The following CIBAR1 variants were observed in gnomAD, a reference collection of about 807,000 sequenced individuals.
The protein encoded by CIBAR1 is CBY1-interacting BAR domain-containing protein 1.
Under a neutral mutation model 44.0 loss-of-function variants are expected in CIBAR1, and 25 were observed. The observed-to-expected ratio is 0.57, with a 90% CI of 0.41 to 0.79. The LOEUF is 0.79. Among genes scored for constraint, CIBAR1 ranks in the 30% least tolerant of loss-of-function variants. The pLI, the probability that CIBAR1 is intolerant of heterozygous loss-of-function variation, is 0.00. For synonymous variants in CIBAR1, 115 were observed against 119.0 expected, an observed-to-expected ratio of 0.97 and a Z score of 0.22; for missense variants, 278 against 344.8, an observed-to-expected ratio of 0.81 and a Z score of 1.53.
chr8:93,726,686 T>C, intron 8 of CIBAR1, 173 bp downstream of exon 8: 1 of 688,848 alleles, frequency 1.5e-6, no homozygotes, highest in Admixed American at 2.9e-5. Flanking sequence ...CTATTATTTC[T>C]TAATTATCTT....
At chr8:93,701,776 A>T (rs1014305920) in intron 2 of CIBAR1, 1 of 308,762 alleles carries the variant, frequency 3.2e-6, no homozygotes, top group Non-Finnish European at 6.0e-6. Flanking sequence ...AGCATAACTT[A>T]ATGTCTTGTG....
intron 7 of CIBAR1, among the ~76,000 whole-genome samples, chr8:93,725,212 G>A (rs1452852219): frequency 2.0e-5 from 3 of 152,094 alleles, no homozygotes; most frequent in African/African-American, 7.2e-5. Context: ...CAAACTCCTA[G>A]GCTCAAGTGA....
At chr8:93,725,443 GA>G (rs1009955229) in intron 7 of CIBAR1, among the ~76,000 whole-genome samples, 1 of 151,896 alleles carries the variant, frequency 6.6e-6, no homozygotes, top group Admixed American at 6.6e-5. Flanking sequence ...GGATGAAGAG[GA>G]AAAAAAGACC....
In CIBAR1 at chr8:93,710,863, A is replaced by G. The variant is rs1192002028; in HGVS notation, c.543+988A>G. On this transcript the variant is annotated intron_variant, in intron 6 of 8. Coordinates refer to ENST00000518322, the MANE Select transcript of CIBAR1 (RefSeq NM_145269.5). ...AAAAAAAAAAAAAAAGAAATTAAGC[A>G]GAGACATAAAATATTTTACCCAAAG... is the stretch of plus-strand genomic sequence containing the variant. 1.3e-5 allele frequency among the ~76,000 whole-genome samples: 2 copies of G among 151,820 alleles called. 1 individual carries two copies. The highest frequency in any genetic ancestry group is 4.2e-4 in the South Asian group (2 of 4,812).
intron 5 of CIBAR1, among the ~76,000 whole-genome samples, chr8:93,709,532 G>A (rs1328788535): frequency 6.6e-6 from 1 of 152,008 alleles, no homozygotes; most frequent in Admixed American, 6.6e-5. Flanking sequence ...AGGATTTGGG[G>A]GTAGTTTTTG....
intron 7 of CIBAR1, chr8:93,720,676 G>C (rs1811229175): frequency 6.6e-6 from 1 of 152,198 alleles, no homozygotes; most frequent in African/African-American, 2.4e-5. Flanking sequence ...TTCGAGACCA[G>C]CCTGGCCAAC....
intron 7 of CIBAR1, chr8:93,719,694 T>G (rs1248074963): frequency 1.3e-5 from 2 of 152,220 alleles, no homozygotes; most frequent in Non-Finnish European, 2.9e-5. Context: ...ATGCAAATAA[T>G]TCTGATTGGC....
intron 8 of CIBAR1, chr8:93,727,330 C>A: frequency 1.8e-6 from 1 of 547,370 alleles, no homozygotes; most frequent in Non-Finnish European, 2.8e-6. Context: ...TCTCCCCCAA[C>A]CCAATTGTAT....
chr8:93,700,900 T>G, intron 1 of CIBAR1: 1 of 1,316,162 alleles, frequency 7.6e-7, no homozygotes, highest in Non-Finnish European at 9.6e-7. Flanking sequence ...CCACCGGGTC[T>G]CGGGTCCCCA....
At chr8:93,727,055 AC>A (rs1433766923) in intron 8 of CIBAR1, 1 of 532,488 alleles carries the variant, frequency 1.9e-6, no homozygotes, top group African/African-American at 1.9e-5. Flanking sequence ...TACCCCAACA[AC>A]TATAAATAAC....
In CIBAR1 at chr8:93,701,446, T is replaced by A. The variant is rs1810350258; in HGVS notation, c.249T>A (p.Tyr83Ter). Residue 83 changes from tyrosine (Y) to a stop codon, truncating the protein, a stop_gained, in exon 2 of 9, where the codon TAT (tyrosine) becomes TAA (stop). Transcript: ENST00000518322. LOFTEE classifies it high-confidence loss of function. ...FADEFAKLQDYRQAEVERLEA... is the reference protein window; with the variant it reads ...FADEFAKLQD ...ATGAGTTTGCCAAACTTCAGGATTA[T>A]CGACAAGCAGAGGTATGGAGTGAGA... The A allele has an allele frequency of 6.2e-7, 1 of 1,613,100 alleles. No homozygotes were observed. Among genetic ancestry groups the A allele is most frequent in the Non-Finnish European group, 8.5e-7 (1 of 1,179,702 alleles).
intron 3 of CIBAR1, among the ~76,000 whole-genome samples, chr8:93,704,361 A>G (rs1487334172): frequency 6.6e-6 from 1 of 152,186 alleles, no homozygotes; most frequent in Non-Finnish European, 1.5e-5. Flanking sequence ...AGCAGTCCCC[A>G]ACCATTTTGG....
chr8:93,718,174 C>T (rs1203663019), intron 6 of CIBAR1, among the ~76,000 whole-genome samples: 1 of 152,194 alleles, frequency 6.6e-6, no homozygotes, highest in Non-Finnish European at 1.5e-5. Flanking sequence ...GTGTTATCAT[C>T]AGTGGCAGGA....
chr8:93,701,552 T>C lies in CIBAR1; in HGVS notation c.261+94T>C, dbSNP rs369608050. Reference sequence around the variant, plus strand: ...AACTTTCACTTGTAATCTACCTAACTGCAGAGGTGGATGCAAACTTGATAA... The same window carrying C: ...AACTTTCACTTGTAATCTACCTAACCGCAGAGGTGGATGCAAACTTGATAA... On this transcript the variant is annotated intron_variant, in intron 2 of 8. Transcript: ENST00000518322. 18 of 1,009,278 alleles carry C rather than the reference T, an allele frequency of 1.8e-5. No homozygotes were observed. The Admixed American group carries it at 2.1e-4, about 12-fold the overall frequency. 62.5% of individuals were successfully genotyped at this position (1,009,278 alleles called of 1,614,324 possible).
chr8:93,721,250 T>C (rs1586286750), intron 7 of CIBAR1: 1 of 152,232 alleles, frequency 6.6e-6, no homozygotes, highest in East Asian at 1.9e-4. Flanking sequence ...GCTTCAAAAG[T>C]GATCCCCCAA....
intron 6 of CIBAR1, among the ~76,000 whole-genome samples, chr8:93,716,612 C>T (rs1811046963): frequency 6.6e-6 from 1 of 151,992 alleles, no homozygotes; most frequent in Admixed American, 6.6e-5. Context: ...AATGTATTTT[C>T]TCATTTTACT....
rs896617719 is a variant in CIBAR1 at position 93,727,059 on chromosome 8, T to C, written c.777+546T>C. The stretch of plus-strand genomic sequence containing the variant: ...CATATGGTTTCTACCCCAACAACTA[T>C]AAATAACAACTGTTAAGTAACACAT... On this transcript the variant is annotated intron_variant, in intron 8 of 8. Coordinates refer to ENST00000518322, the MANE Select transcript of CIBAR1 (RefSeq NM_145269.5). 4.9e-5 allele frequency: 27 copies of C among 547,020 alleles called. 1 individual carries two copies. In the Admixed American group the frequency reaches 5.9e-4, roughly 12 times the overall value. The allele number at this position is 547,020 out of a possible 1,614,324, so 33.9% of individuals were successfully genotyped here.
chr8:93,727,118 T>G (rs781678112), intron 8 of CIBAR1: 7 of 1,006,906 alleles, frequency 7.0e-6, no homozygotes, highest in African/African-American at 1.7e-5. Flanking sequence ...TAAAATTCTA[T>G]TTACAAAAGC....
At chr8:93,701,531 T>G (rs988135691) in intron 2 of CIBAR1, 73 bp downstream of exon 2, 8 of 1,332,776 alleles carry the variant, frequency 6.0e-6, no homozygotes, top group Non-Finnish European at 8.4e-6. Context: ...CGTGGAAACT[T>G]TCACTTGTAA....
Sources: gnomAD v4.1 joint callset for allele counts (sites outside exome capture counted in the v4.1 genomes callset) on GRCh38, gnomAD v4.1.1 for gene constraint, MANE v1.5 for transcripts, NCBI Gene and HGNC (gene_info 2026-07-23, HGNC 2026-07-21) for gene names.